The following SMCO4 variants were observed in gnomAD, a reference collection of about 807,000 sequenced individuals.
The protein encoded by SMCO4 is single-pass membrane protein with coiled-coil domains 4.
A neutral mutation model predicts 3.6 loss-of-function variants in SMCO4; 4 were observed. That is an observed-to-expected ratio of 1.11 (90% CI 0.54 to 2.53). The LOEUF (loss-of-function observed/expected upper bound fraction) is 2.53, where lower values mean the gene tolerates loss of function less well. Among genes scored for constraint, SMCO4 ranks in the 30% most tolerant of loss-of-function variants. SMCO4 has a pLI of 0.02. For missense variants in SMCO4, 70 were observed against 80.8 expected, an observed-to-expected ratio of 0.87 and a Z score of 0.51; for synonymous variants, 36 against 35.3, an observed-to-expected ratio of 1.02 and a Z score of -0.07.
chr11:93,488,467 G>C lies in SMCO4; in HGVS notation c.-80-9198C>G, dbSNP rs115798721. ...GGTAAAACTTAATGTTCCAGGATAC[G>C]GGTAGATGTGGTGCAAAGTGGTCTG... On this transcript the variant is annotated intron_variant, in intron 2 of 2. Coordinates refer to ENST00000298966, the MANE Select transcript of SMCO4 (RefSeq NM_020179.3). 8.0e-3 allele frequency among the ~76,000 whole-genome samples: 1,220 copies of C among 152,338 alleles called. 19 individuals are homozygous for C. Among genetic ancestry groups the C allele is most frequent in the African/African-American group, 0.027 (1,113 of 41,570 alleles).
chr11:93,479,283 A>T lies in SMCO4; in HGVS notation c.-80-14T>A. On this transcript the variant is annotated splice_polypyrimidine_tract_variant and intron_variant, in intron 2 of 2. Transcript: ENST00000298966. ...GGCTGGAACCTCCTGTAGAGAGAAC[A>T]ACTGTGATAGTAGAGAATAAACCAA... 6.6e-7 allele frequency: 1 copy of T among 1,508,124 alleles called. No individual in the cohort carries two copies. Among genetic ancestry groups the T allele is most frequent in the Non-Finnish European group, 8.9e-7 (1 of 1,129,400 alleles). The allele number at this position is 1,508,124 out of a possible 1,614,324, so 93.4% of individuals were successfully genotyped here. A position where few individuals can be genotyped will look rare whatever the true frequency, so the allele number is the denominator to read the frequency against.
At chr11:93,496,248 T>TG (rs1260568388) in intron 2 of SMCO4, among the ~76,000 whole-genome samples, 1 of 152,080 alleles carries the variant, frequency 6.6e-6, no homozygotes, top group African/African-American at 2.4e-5. Context: ...GGCTTGGACT[T>TG]GGGGGGCGGA....
chr11:93,507,835 C>G (rs1325084222), intron 1 of SMCO4, among the ~76,000 whole-genome samples: 1 of 152,174 alleles, frequency 6.6e-6, no homozygotes, highest in East Asian at 1.9e-4. Context: ...TCAACCAACA[C>G]AATATACTGC....
chr11:93,485,977 C>T (rs1181571276), intron 2 of SMCO4, among the ~76,000 whole-genome samples: 2 of 152,172 alleles, frequency 1.3e-5, no homozygotes, highest in South Asian at 4.1e-4. Context: ...AATAAGTACT[C>T]GTTAAGTATT....
intron 1 of SMCO4, chr11:93,535,689 G>A (rs1015497695): frequency 2.5e-6 from 4 of 1,612,982 alleles, no homozygotes; most frequent in African/African-American, 2.7e-5. Flanking sequence ...TGAGCTCCGA[G>A]GAAGTGAATA....
chr11:93,527,200 A>C (rs4753466), intron 1 of SMCO4, among the ~76,000 whole-genome samples: 7,853 of 152,260 alleles, frequency 0.052, 475 homozygotes, highest in East Asian at 0.21. Flanking sequence ...TCTACTGTCA[A>C]ATGGTGGGCA....
At chr11:93,499,618 G>C (rs1591310816) in intron 1 of SMCO4, among the ~76,000 whole-genome samples, 1 of 152,198 alleles carries the variant, frequency 6.6e-6, no homozygotes, top group East Asian at 1.9e-4. Flanking sequence ...TGCCCAGCAG[G>C]CAGTCAAGCT....
intron 2 of SMCO4, among the ~76,000 whole-genome samples, chr11:93,498,980 T>C (rs1948807786): frequency 6.6e-6 from 1 of 152,118 alleles, no homozygotes. Flanking sequence ...TCTACCCGAC[T>C]GGCCAAGAGA....
In SMCO4 at chr11:93,526,279, C is replaced by CAGCCAAATT. The variant is rs575939936; in HGVS notation, c.-154+16996_-154+16997insAATTTGGCT. 2.9e-3 allele frequency among the ~76,000 whole-genome samples: 415 copies of CAGCCAAATT among 141,496 alleles called. 3 individuals carry two copies. Among genetic ancestry groups the CAGCCAAATT allele is most frequent in the African/African-American group, 0.01 (387 of 38,264 alleles). The allele number at this position is 141,496 out of a possible 152,430, so 92.8% of individuals were successfully genotyped here. On this transcript the variant is annotated intron_variant, in intron 1 of 2. Transcript: ENST00000298966. ...CGCTTGGCTGCTCAAGATTAGAGAA[C>CAGCCAAATT]AGAAACAGACAAATATTTGCTAAAA...
At chr11:93,519,130 C>T (rs2134619119) in intron 1 of SMCO4, among the ~76,000 whole-genome samples, 1 of 152,218 alleles carries the variant, frequency 6.6e-6, no homozygotes, top group East Asian at 1.9e-4. Flanking sequence ...CAGAACCAAC[C>T]CAGGGTGCAC....
intron 2 of SMCO4, among the ~76,000 whole-genome samples, chr11:93,493,554 C>T (rs917079664): frequency 2.0e-5 from 3 of 152,212 alleles, no homozygotes; most frequent in Admixed American, 6.5e-5. Flanking sequence ...ACCCAGATGC[C>T]TCCCTTCCTC....
At chr11:93,534,072 T>C (rs2134634670) in intron 1 of SMCO4, among the ~76,000 whole-genome samples, 1 of 151,652 alleles carries the variant, frequency 6.6e-6, no homozygotes, top group South Asian at 2.1e-4. Flanking sequence ...ACACCTGTAA[T>C]TCCAGCTACT....
intron 1 of SMCO4, among the ~76,000 whole-genome samples, chr11:93,509,493 T>C (rs1456601211): frequency 2.0e-5 from 3 of 152,118 alleles, no homozygotes; most frequent in Non-Finnish European, 4.4e-5. Context: ...AAAGAAGTCA[T>C]TATATGAGAA....
In SMCO4 at chr11:93,531,706, C is replaced by T. The variant is rs141587634; in HGVS notation, c.-154+11570G>A. On this transcript the variant is annotated intron_variant, in intron 1 of 2. Transcript: ENST00000298966. ...GTAAATTTTATGGGGTTTTTTGCCA[C>T]AGTTTTAAAAAAAGGCAGTTGTGAA... 1.8e-4 allele frequency among the ~76,000 whole-genome samples: 27 copies of T among 152,110 alleles called. No homozygotes were observed. The East Asian group carries it at 5.0e-3, about 28-fold the overall frequency.
chr11:93,527,898 C>G (rs1183385878), intron 1 of SMCO4, among the ~76,000 whole-genome samples: 1 of 152,160 alleles, frequency 6.6e-6, no homozygotes, highest in Admixed American at 6.5e-5. Context: ...AACTCAGCCT[C>G]CTGAGTAGCT....
intron 1 of SMCO4, among the ~76,000 whole-genome samples, chr11:93,528,844 A>G (rs1007883018): frequency 5.3e-5 from 8 of 152,212 alleles, no homozygotes; most frequent in Non-Finnish European, 8.8e-5. Flanking sequence ...CAGGGTTCTA[A>G]GTGAAATCAC....
chr11:93,493,038 A>C (rs1948736440), intron 2 of SMCO4, among the ~76,000 whole-genome samples: 1 of 152,234 alleles, frequency 6.6e-6, no homozygotes, highest in South Asian at 2.1e-4. Context: ...TGAGCTGCTG[A>C]AGTTGCATTT....
intron 2 of SMCO4, 128 bp from the exon 3 acceptor site, chr11:93,479,397 C>T: frequency 2.3e-6 from 2 of 882,784 alleles, no homozygotes; most frequent in Non-Finnish European, 3.2e-6. Flanking sequence ...GAACAGAGGC[C>T]ACACCAGGCT....
intron 1 of SMCO4, among the ~76,000 whole-genome samples, chr11:93,536,703 C>T (rs776422164): frequency 6.6e-6 from 1 of 152,154 alleles, no homozygotes; most frequent in African/African-American, 2.4e-5. Flanking sequence ...GGGAATGTGA[C>T]AAGTCTGCTG....
Sources: allele counts gnomAD v4.1 joint callset (sites outside exome capture counted in the v4.1 genomes callset), GRCh38; gene constraint gnomAD v4.1.1; transcripts MANE v1.5; gene names NCBI Gene and HGNC (gene_info 2026-07-23, HGNC 2026-07-21).